Variants in TUSC3 observed in about 807,000 individuals in gnomAD.
TUSC3 encodes the protein dolichyl-diphosphooligosaccharide--protein glycosyltransferase subunit TUSC3.
Under a neutral mutation model 44.8 loss-of-function variants are expected in TUSC3, and 45 were observed. The observed-to-expected ratio is 1.00, with a 90% confidence interval of 0.79 to 1.29. TUSC3 has a LOEUF of 1.29. Among genes scored for constraint, TUSC3 ranks in the 50% most tolerant of loss-of-function variants. The pLI, the probability that TUSC3 is intolerant of heterozygous loss-of-function variation, is 0.00. For synonymous variants in TUSC3, 212 were observed against 152.9 expected, an observed-to-expected ratio of 1.39 and a Z score of -2.85; for missense variants, 519 against 437.9, an observed-to-expected ratio of 1.19 and a Z score of -1.65.
chr8:15,478,383 A>G (rs1202531176), intron 1 of TUSC3, among the ~76,000 whole-genome samples: 1 of 152,110 alleles, frequency 6.6e-6, no homozygotes. Context: ...TCATCTAGCT[A>G]CTAAGGCTCA....
At chr8:15,517,110 C>T (rs1801227163) in intron 2 of TUSC3, among the ~76,000 whole-genome samples, 2 of 152,080 alleles carry the variant, frequency 1.3e-5, no homozygotes, top group African/African-American at 2.4e-5. Context: ...GGGAGCTTTG[C>T]CAAGTTTCTG....
At chr8:15,703,193 A>G (rs73528557) in intron 6 of TUSC3, among the ~76,000 whole-genome samples, 4,483 of 152,278 alleles carry the variant, frequency 0.029, 69 homozygotes, top group East Asian at 0.049. Flanking sequence ...CAAGAATGTT[A>G]TAGAGAAAGT....
intron 2 of TUSC3, among the ~76,000 whole-genome samples, chr8:15,522,925 G>C (rs947597565): frequency 2.6e-5 from 4 of 152,300 alleles, no homozygotes; most frequent in African/African-American, 9.6e-5. Flanking sequence ...AAGGAGCAGA[G>C]AGAGGCGCAG....
rs36058270 is a variant in TUSC3, at chr8:15,711,463, CGTGTGT to C, written c.799-19176_799-19171del. Among the ~76,000 whole-genome samples, 583 of 144,970 alleles carry C rather than the reference CGTGTGT, an allele frequency of 4.0e-3. 5 individuals carry two copies. Among genetic ancestry groups the C allele is most frequent in the African/African-American group, 0.011 (425 of 39,768 alleles). ...CAGGTTTTAGAAAAACAAAAAGGTA[CGTGTGT>C]GTGTGTGTGTGTGTGTGTGTGTGTG... On this transcript the variant is annotated intron_variant, in intron 6 of 10. Coordinates refer to ENST00000503731, the MANE Select transcript of TUSC3 (RefSeq NM_006765.4).
At position 15,453,432 on chromosome 8, in the gene TUSC3, T is replaced by C. The variant is rs144451635; in HGVS notation, n.92-29954T>C. ...GCAAGTAGCTCCTAGCCCCTTTTCT[T>C]GTCAGCATCTTTAAATAAAAAACGG... On this transcript the variant is annotated intron_variant and non_coding_transcript_variant, in intron 1 of 5. Transcript: ENST00000503191. Among the ~76,000 whole-genome samples, 408 of 152,328 alleles carry C rather than the reference T, an allele frequency of 2.7e-3. 3 individuals carry two copies. In the East Asian group the frequency reaches 0.045, roughly 17 times the overall value.
At chr8:15,560,112 AT>A (rs1802405084) in intron 1 of TUSC3, among the ~76,000 whole-genome samples, 1 of 131,170 alleles carries the variant, frequency 7.6e-6, no homozygotes, top group Non-Finnish European at 1.6e-5. Flanking sequence ...TGGTCTTTAC[AT>A]TTTGGCATGA....
At position 15,552,190 on chromosome 8, in the gene TUSC3, A is replaced by G. The variant is rs778364750; in HGVS notation, c.138+11622A>G. Among the ~76,000 whole-genome samples, 188 of 151,974 alleles carry G rather than the reference A, an allele frequency of 1.2e-3. 6 individuals are homozygous for G. The highest frequency in any genetic ancestry group is 2.4e-3 in the Non-Finnish European group (162 of 67,888). On this transcript the variant is annotated intron_variant, in intron 1 of 10. Coordinates refer to ENST00000503731, the MANE Select transcript of TUSC3 (RefSeq NM_006765.4). Reference sequence around the variant, plus strand: ...CTATTATTGATGTAAGCAATACAAAATAAATATATTGGAGTATCATCATCC... The same window carrying G: ...CTATTATTGATGTAAGCAATACAAAGTAAATATATTGGAGTATCATCATCC...
chr8:15,469,690 G>A (rs1468861369), intron 1 of TUSC3, among the ~76,000 whole-genome samples: 3 of 152,184 alleles, frequency 2.0e-5, no homozygotes, highest in Non-Finnish European at 2.9e-5. Flanking sequence ...AGAAAAACCT[G>A]CACACAGATG....
the TUSC3 span, among the ~76,000 whole-genome samples, chr8:15,797,693 T>C: frequency 1.1e-4 from 17 of 152,192 alleles, no homozygotes; most frequent in Non-Finnish European, 2.1e-4. Context: ...CAACCATACA[T>C]TGGAGACCTT....
chr8:15,843,747 T>A, the TUSC3 span, among the ~76,000 whole-genome samples: 4 of 151,990 alleles, frequency 2.6e-5, no homozygotes, highest in African/African-American at 9.7e-5. Context: ...ATGATGTATA[T>A]AAAACACCTG....
intron 6 of TUSC3, among the ~76,000 whole-genome samples, chr8:15,678,755 T>A (rs1304705194): frequency 6.6e-6 from 1 of 152,156 alleles, no homozygotes; most frequent in Non-Finnish European, 1.5e-5. Context: ...AGATAGGAAT[T>A]TTTTCAGCTT....
At chr8:15,552,533 A>G (rs1802095180) in intron 1 of TUSC3, among the ~76,000 whole-genome samples, 1 of 151,784 alleles carries the variant, frequency 6.6e-6, no homozygotes, top group South Asian at 2.1e-4. Context: ...ATCATAGGAA[A>G]TAACCCAGTG....
chr8:15,546,104 G>A (rs1446151368), intron 1 of TUSC3, among the ~76,000 whole-genome samples: 1 of 151,776 alleles, frequency 6.6e-6, no homozygotes, highest in African/African-American at 2.4e-5. Flanking sequence ...GTGTGTGTAT[G>A]CACATATTTG....
intron 1 of TUSC3, among the ~76,000 whole-genome samples, chr8:15,549,553 CAA>C: frequency 6.6e-6 from 1 of 151,722 alleles, no homozygotes; most frequent in East Asian, 1.9e-4. Context: ...AAATGAAATA[CAA>C]AGAGTCATTT....
At chr8:15,430,786 G>A (rs1434466808) in intron 1 of TUSC3, among the ~76,000 whole-genome samples, 3 of 151,562 alleles carry the variant, frequency 2.0e-5, no homozygotes, top group Non-Finnish European at 4.4e-5. Flanking sequence ...CAAAATCTCA[G>A]GCTACAAAAC....
At position 15,662,314 on chromosome 8, in the gene TUSC3, G is replaced by A; in HGVS notation, c.708+18G>A. 6.2e-7 allele frequency: 1 copy of A among 1,612,032 alleles called. No homozygotes were observed. The highest frequency in any genetic ancestry group is 8.5e-7 in the Non-Finnish European group (1 of 1,178,588). On this transcript the variant is annotated intron_variant, in intron 5 of 10. Coordinates refer to ENST00000503731, the MANE Select transcript of TUSC3 (RefSeq NM_006765.4). ...TGTCTCTGGTATGTTAATACATTGT[G>A]CTTTTTTTATTTCCTGTTCTTTGTG...
chr8:15,793,141 T>A, the TUSC3 span, among the ~76,000 whole-genome samples: 1 of 152,116 alleles, frequency 6.6e-6, no homozygotes, highest in Non-Finnish European at 1.5e-5. Context: ...TTGCACTAGA[T>A]TGTTTGCTCT....
At chr8:15,430,797 C>A (rs1174677981) in intron 1 of TUSC3, among the ~76,000 whole-genome samples, 1 of 151,632 alleles carries the variant, frequency 6.6e-6, no homozygotes, top group African/African-American at 2.4e-5. Flanking sequence ...GCTACAAAAC[C>A]AATGTGCAAA....
At chr8:15,615,588 A>G (rs992435188) in intron 1 of TUSC3, among the ~76,000 whole-genome samples, 3 of 152,176 alleles carry the variant, frequency 2.0e-5, no homozygotes, top group African/African-American at 4.8e-5. Context: ...CTAATATACT[A>G]TATATTTTCC....
Sources: allele counts gnomAD v4.1 joint callset (sites outside exome capture counted in the v4.1 genomes callset), GRCh38; gene constraint gnomAD v4.1.1; transcripts MANE v1.5; gene names NCBI Gene and HGNC (gene_info 2026-07-23, HGNC 2026-07-21).